MRPS6: variants seen among roughly 807,000 people sequenced by gnomAD.
MRPS6 encodes the protein small ribosomal subunit protein bS6m.
A neutral mutation model predicts 13.1 loss-of-function variants in MRPS6; 6 were observed. The ratio of observed to expected loss-of-function variants is 0.46; its 90% confidence interval spans 0.25 to 0.91. The LOEUF is 0.91. Among genes scored for constraint, MRPS6 ranks in the 40% least tolerant of loss-of-function variants. The pLI is 0.18. For synonymous variants in MRPS6, 61 were observed against 56.5 expected (o/e 1.08, Z -0.36); for missense variants, 164 against 155.6 (o/e 1.05, Z -0.29).
chr21:34,120,955 GA>G (rs1180806334), intron 1 of MRPS6, among the ~76,000 whole-genome samples: 1 of 152,196 alleles, frequency 6.6e-6, no homozygotes, highest in African/African-American at 2.4e-5. Context: ...CTTGAGGAAA[GA>G]TAGGAGTAAG....
chr21:34,099,879 A>G (rs2148660938), intron 1 of MRPS6: 1 of 374,068 alleles, frequency 2.7e-6, no homozygotes, highest in Non-Finnish European at 3.9e-6. Flanking sequence ...CTTCCCAGTA[A>G]TAGATAATGT....
chr21:34,142,092 T>C (rs1390962748), intron 2 of MRPS6, among the ~76,000 whole-genome samples: 1 of 152,192 alleles, frequency 6.6e-6, no homozygotes, highest in African/African-American at 2.4e-5. Flanking sequence ...TTAGAAGTTT[T>C]CCCCCATGCT....
chr21:34,128,676 A>C (rs1466273646), intron 2 of MRPS6, among the ~76,000 whole-genome samples: 1 of 152,228 alleles, frequency 6.6e-6, no homozygotes, highest in Admixed American at 6.5e-5. Flanking sequence ...TCCCAGTGGA[A>C]CAACTTGATG....
At chr21:34,126,407 C>T (rs1980306239) in intron 2 of MRPS6, among the ~76,000 whole-genome samples, 1 of 152,224 alleles carries the variant, frequency 6.6e-6, no homozygotes, top group African/African-American at 2.4e-5. Context: ...TTTCTTACTG[C>T]ATTTAAACCT....
At chr21:34,087,209 C>T (rs1032296887) in intron 1 of MRPS6, among the ~76,000 whole-genome samples, 4 of 152,180 alleles carry the variant, frequency 2.6e-5, no homozygotes, top group African/African-American at 7.2e-5. Context: ...CACATACCCT[C>T]AACTGGAGCT....
chr21:34,142,203 A>C (rs1398925367), intron 2 of MRPS6, among the ~76,000 whole-genome samples: 1 of 152,224 alleles, frequency 6.6e-6, no homozygotes, highest in Admixed American at 6.5e-5. Flanking sequence ...GAAAGACCAT[A>C]GAAAAAGGGA....
In MRPS6 at chr21:34,142,538, G is replaced by A. The variant is rs1030311439; in HGVS notation, c.316G>A (p.Glu106Lys). The change falls in exon 3 of 3, where the codon GAA becomes AAA. Residue 106 changes from glutamate to lysine, a missense_variant. Coordinates refer to ENST00000399312, the MANE Select transcript of MRPS6 (RefSeq NM_032476.4). The part of the protein sequence containing the change: ...HPLTQELKEC[E>K]GIVPVPLAEK... ...TCTGACCCAGGAACTAAAAGAATGT[G>A]AAGGGATTGTCCCAGTCCCACTCGC... 33 of 1,613,398 alleles carry A rather than the reference G, an allele frequency of 2.0e-5. No individual in the cohort carries two copies. Among genetic ancestry groups the A allele is most frequent in the Non-Finnish European group, 2.8e-5 (33 of 1,179,776 alleles).
In MRPS6 at chr21:34,096,307, T is replaced by C; in HGVS notation, c.45+22562T>C. The C allele has an allele frequency of 6.2e-7, 1 of 1,614,122 alleles. No individual in the cohort carries two copies. The highest frequency in any genetic ancestry group is 8.5e-7 in the Non-Finnish European group (1 of 1,179,996). The stretch of plus-strand genomic sequence containing the variant: ...GGCCTTCGGGGTTTAATGATGGCAG[T>C]GATGATTGCAGCTCTGATGAGTGAC... On this transcript the variant is annotated intron_variant, in intron 1 of 2. Transcript: ENST00000399312. This position sits in a 1 kb window ranked among gnomAD's most constrained non-coding sequence, Gnocchi z 5.9.
intron 1 of MRPS6, among the ~76,000 whole-genome samples, chr21:34,108,805 C>A (rs1433679733): frequency 6.6e-6 from 1 of 151,406 alleles, no homozygotes; most frequent in Non-Finnish European, 1.5e-5. Context: ...AATTTTCTAG[C>A]CTCTAGCCTC....
intron 1 of MRPS6, chr21:34,105,026 G>A: frequency 1.0e-6 from 1 of 1,000,024 alleles, no homozygotes; most frequent in South Asian, 4.7e-5. Context: ...CTTTTGAGTG[G>A]CAAACAGATC....
In MRPS6 at chr21:34,073,632, C is replaced by T. The variant is rs1043599074; in HGVS notation, c.-69C>T. On this transcript the variant is annotated 5_prime_UTR_variant, in exon 1 of 3. Transcript: ENST00000399312. ...AGCAGTTTCTAGGTCCCCACTGTCC[C>T]CGCCGTCCCGCCCCTTCGCGTCCCG... The T allele has an allele frequency of 4.6e-5, 64 of 1,397,160 alleles. No homozygotes were observed. Among genetic ancestry groups the T allele is most frequent in the Non-Finnish European group, 5.9e-5 (60 of 1,023,470 alleles). The allele number at this position is 1,397,160 out of a possible 1,614,324, so 86.5% of individuals were successfully genotyped here.
intron 1 of MRPS6, among the ~76,000 whole-genome samples, chr21:34,110,011 T>C (rs1454720130): frequency 6.6e-6 from 1 of 152,224 alleles, no homozygotes; most frequent in African/African-American, 2.4e-5. Context: ...ACTCACCCTT[T>C]AACCTTTTGA....
chr21:34,132,283 G>A (rs71326991), intron 2 of MRPS6, among the ~76,000 whole-genome samples: 4,521 of 152,326 alleles, frequency 0.03, 101 homozygotes, highest in Non-Finnish European at 0.045. Flanking sequence ...TGTTTTGGTA[G>A]CGTTTTCTTT....
intron 1 of MRPS6, among the ~76,000 whole-genome samples, chr21:34,116,503 C>A (rs1286123174): frequency 6.6e-6 from 1 of 151,992 alleles, no homozygotes; most frequent in Non-Finnish European, 1.5e-5. Flanking sequence ...GATTTCCATT[C>A]ATTCACTATC....
At chr21:34,100,079 A>G in intron 1 of MRPS6, 2 of 998,052 alleles carry the variant, frequency 2.0e-6, no homozygotes, top group South Asian at 4.7e-5. Context: ...TAACATGTGT[A>G]TATTTTTATA....
intron 1 of MRPS6, among the ~76,000 whole-genome samples, chr21:34,109,187 T>A (rs755126508): frequency 6.6e-6 from 1 of 152,198 alleles, no homozygotes; most frequent in African/African-American, 2.4e-5. Flanking sequence ...TCTCTGAAGG[T>A]ACTGTCGTCT....
chr21:34,133,757 A>C (rs1289412129), intron 2 of MRPS6, among the ~76,000 whole-genome samples: 1 of 152,214 alleles, frequency 6.6e-6, no homozygotes, highest in African/African-American at 2.4e-5. Context: ...TTCAAATGGA[A>C]TGAAGCAAGA....
chr21:34,094,392 T>C (rs1978865138), intron 1 of MRPS6, among the ~76,000 whole-genome samples: 1 of 152,196 alleles, frequency 6.6e-6, no homozygotes, highest in South Asian at 2.1e-4. Flanking sequence ...AAACACCACC[T>C]GCCTGTTCCA....
chr21:34,093,620 G>A (rs73196576), intron 1 of MRPS6, among the ~76,000 whole-genome samples: 1,781 of 151,590 alleles, frequency 0.012, 18 homozygotes, highest in Non-Finnish European at 0.016. Flanking sequence ...CTTCTCTGAG[G>A]TTGCCTTATT....
Sources: gnomAD v4.1 joint callset for allele counts (sites outside exome capture counted in the v4.1 genomes callset) on GRCh38, gnomAD v4.1.1 for gene constraint, Gnocchi (gnomAD v3.1) non-coding constraint, MANE v1.5 for transcripts, NCBI Gene and HGNC (gene_info 2026-07-23, HGNC 2026-07-21) for gene names.